The following PRKD3 variants were observed in gnomAD, a reference collection of about 807,000 sequenced individuals.
PRKD3 encodes protein kinase D3, also known as serine/threonine-protein kinase D3.
A neutral mutation model predicts 99.2 loss-of-function variants in PRKD3; 47 were observed. The observed-to-expected ratio is 0.47, with a 90% CI of 0.38 to 0.60. PRKD3 has a LOEUF of 0.60. Ranked by LOEUF, PRKD3 falls within the 20% of genes least tolerant of loss-of-function variation. The probability of loss-of-function intolerance (pLI) is 0.00; values close to 1 mark genes in which losing one functional copy is unlikely to be tolerated. For synonymous variants in PRKD3, 392 were observed against 355.4 expected (o/e 1.10, Z -1.16); for missense variants, 1,019 against 1,088.4 (o/e 0.94, Z 0.90).
At chr2:37,263,429 C>T (rs770633451) in intron 14 of PRKD3, among the ~76,000 whole-genome samples, 12 of 152,294 alleles carry the variant, frequency 7.9e-5, no homozygotes, top group Non-Finnish European at 1.3e-4. Flanking sequence ...TCAGTATAAT[C>T]TGCTTAGATC....
chr2:37,289,079 T>TA (rs1572670231), intron 5 of PRKD3, among the ~76,000 whole-genome samples: 2 of 97,666 alleles, frequency 2.0e-5, no homozygotes, highest in African/African-American at 6.9e-5. Context: ...AAAAAAAAAA[T>TA]TAAAAAAAAA....
intron 15 of PRKD3, 59 bp downstream of exon 15, chr2:37,260,164 T>TA (rs879771145): frequency 0.06 from 59,421 of 986,190 alleles, 5 homozygotes; most frequent in Non-Finnish European, 0.067. Flanking sequence ...ACTCTTGTCT[T>TA]AAAAAAAAAA....
At position 37,274,411 on chromosome 2, in the gene PRKD3, T is replaced by A. The variant is rs1269524467; in HGVS notation, c.1651+10A>T. Reference sequence around the variant, plus strand: ...GAGGAGAAAAAGCCATCAAGAAGTTTATTGCTTACTGTGATCTTTCCCTTG... The same window carrying A: ...GAGGAGAAAAAGCCATCAAGAAGTTAATTGCTTACTGTGATCTTTCCCTTG... On this transcript the variant is annotated intron_variant, in intron 11 of 18. Transcript: ENST00000234179. 1 of 1,613,518 alleles carries A rather than the reference T, an allele frequency of 6.2e-7. No individual in the cohort carries two copies. Among genetic ancestry groups the A allele is most frequent in the East Asian group, 2.2e-5 (1 of 44,868 alleles).
intron 10 of PRKD3, among the ~76,000 whole-genome samples, chr2:37,275,190 CA>C (rs35852116): frequency 0.26 from 37,427 of 145,744 alleles, 5,359 homozygotes; most frequent in East Asian, 0.54. Flanking sequence ...CTTCCTAAGG[CA>C]AAAAAAAAAA....
At chr2:37,271,041 A>T in intron 12 of PRKD3, among the ~76,000 whole-genome samples, 1 of 152,214 alleles carries the variant, frequency 6.6e-6, no homozygotes, top group Non-Finnish European at 1.5e-5. Flanking sequence ...CTCATAGATT[A>T]TATCTCTGAA....
At chr2:37,309,741 G>A (rs1273397655) in intron 2 of PRKD3, among the ~76,000 whole-genome samples, 3 of 151,552 alleles carry the variant, frequency 2.0e-5, no homozygotes, top group Admixed American at 2.0e-4. Flanking sequence ...CCAGCTACTC[G>A]GGAGGCTGAC....
At chr2:37,271,133 A>G (rs191955679) in intron 12 of PRKD3, among the ~76,000 whole-genome samples, 158 of 152,338 alleles carry the variant, frequency 1.0e-3, no homozygotes, top group Non-Finnish European at 1.0e-3. Flanking sequence ...TTAGAGAACT[A>G]TAACAGCTAA....
intron 17 of PRKD3, among the ~76,000 whole-genome samples, chr2:37,255,184 T>G (rs1298019709): frequency 6.6e-6 from 1 of 152,232 alleles, no homozygotes; most frequent in Non-Finnish European, 1.5e-5. Flanking sequence ...ACATCTCTTA[T>G]GAGCTTCTTC....
chr2:37,319,004 A>G (rs1156972864), intron 1 of PRKD3, among the ~76,000 whole-genome samples: 1 of 152,210 alleles, frequency 6.6e-6, no homozygotes, highest in Admixed American at 6.5e-5. Flanking sequence ...AATAATGATT[A>G]TTAGGCTTCT....
At position 37,319,318 on chromosome 2, in the gene PRKD3, C is replaced by A. The variant is rs1671781299; in HGVS notation, c.-655-2139G>T. On this transcript the variant is annotated intron_variant, in intron 1 of 18. Transcript: ENST00000234179. Reference sequence around the variant, plus strand: ...TAGTTAAGTTTGCTGCTCTGTGTCACCTTAGATGAGGAAAGTCTTTACGGA... The same window carrying A: ...TAGTTAAGTTTGCTGCTCTGTGTCAACTTAGATGAGGAAAGTCTTTACGGA... 5.9e-5 allele frequency among the ~76,000 whole-genome samples: 9 copies of A among 152,126 alleles called. No individual in the cohort carries two copies. The South Asian group carries it at 1.9e-3, about 31-fold the overall frequency.
chr2:37,312,806 T>C (rs13399143), intron 2 of PRKD3, among the ~76,000 whole-genome samples: 6,785 of 152,240 alleles, frequency 0.045, 166 homozygotes, highest in African/African-American at 0.051. Context: ...TATGTATTTA[T>C]TGGTTGACGA....
In PRKD3 at chr2:37,256,651, T is replaced by C. The variant is rs753805257; in HGVS notation, c.2413+11A>G. ...AAATTTTTTTTTTTTTTTTTTTTTT[T>C]TTTTTTTTACCTTCACCAGAAATTT... On this transcript the variant is annotated intron_variant, in intron 17 of 18. Transcript: ENST00000234179. The C allele has an allele frequency of 1.4e-6, 2 of 1,406,430 alleles. No individual in the cohort carries two copies. The highest frequency in any genetic ancestry group is 2.9e-5 in the African/African-American group (2 of 68,526). The allele number at this position is 1,406,430 out of a possible 1,614,324, so 87.1% of individuals were successfully genotyped here.
intron 2 of PRKD3, among the ~76,000 whole-genome samples, chr2:37,304,178 T>TACTTAACA (rs1291932541): frequency 1.4e-5 from 2 of 146,516 alleles, no homozygotes; most frequent in African/African-American, 5.0e-5. Context: ...AAGCACTTTG[T>TACTTAACA]ACTTAACAGG....
chr2:37,301,997 C>A (rs905024277), intron 2 of PRKD3, among the ~76,000 whole-genome samples: 1 of 151,988 alleles, frequency 6.6e-6, no homozygotes, highest in Non-Finnish European at 1.5e-5. Flanking sequence ...ATTATCCCAC[C>A]CAAAATGTCA....
intron 3 of PRKD3, among the ~76,000 whole-genome samples, chr2:37,292,167 C>G (rs1411385875): frequency 6.6e-6 from 1 of 151,988 alleles, no homozygotes; most frequent in Non-Finnish European, 1.5e-5. Flanking sequence ...TTTTCTAAAC[C>G]CCAATTTTCT....
chr2:37,300,860 G>A (rs1464859751), intron 2 of PRKD3, among the ~76,000 whole-genome samples: 1 of 152,108 alleles, frequency 6.6e-6, no homozygotes, highest in Non-Finnish European at 1.5e-5. Context: ...TTTGAAATTT[G>A]TAGATACTGC....
Position 37,279,869 on chromosome 2 carries a change from T to C in PRKD3, c.1049A>G (p.Asn350Ser). Residue 350 changes from asparagine to serine, a missense_variant, in exon 8 of 19, where the codon AAT becomes AGT. This residue lies in a region of PRKD3 where 710 missense variants were observed against 692.7 expected (regional missense o/e 1.02). Transcript: ENST00000234179. ...IPMDIDNNDI[N>S]SDSSRGLDDT... Reference sequence around the variant, plus strand: ...ATCCAAACCCCGACTACTATCACTATTTATGTCATTATTGTCAATATCCAT... The same window carrying C: ...ATCCAAACCCCGACTACTATCACTACTTATGTCATTATTGTCAATATCCAT... 1.9e-6 allele frequency: 3 copies of C among 1,613,298 alleles called. No individual in the cohort carries two copies. The highest frequency in any genetic ancestry group is 2.5e-6 in the Non-Finnish European group (3 of 1,179,342).
At chr2:37,303,877 A>G (rs1309405192) in intron 2 of PRKD3, among the ~76,000 whole-genome samples, 1 of 152,226 alleles carries the variant, frequency 6.6e-6, no homozygotes, top group South Asian at 2.1e-4. Flanking sequence ...GAAGCTTGAT[A>G]GCTTCATAAA....
At chr2:37,324,197 C>T in intron 1 of PRKD3, 1 of 985,444 alleles carries the variant, frequency 1.0e-6, no homozygotes, top group African/African-American at 1.7e-5. Flanking sequence ...CATTTACTCA[C>T]CCCTTTGAGA....
Sources: allele counts gnomAD v4.1 joint callset (sites outside exome capture counted in the v4.1 genomes callset), GRCh38; gene constraint gnomAD v4.1.1; regional missense constraint gnomAD v4.1.1; transcripts MANE v1.5; gene names NCBI Gene and HGNC (gene_info 2026-07-23, HGNC 2026-07-21).